The following AP3M2 variants were observed in gnomAD, a reference collection of about 807,000 sequenced individuals.
AP3M2 encodes adaptor related protein complex 3 subunit mu 2.
AP3M2 carries 28 observed loss-of-function variants against 41.6 expected under a neutral mutation model. The ratio of observed to expected loss-of-function variants is 0.67; its 90% CI spans 0.50 to 0.92. The LOEUF is 0.92. Among genes scored for constraint, AP3M2 ranks in the 40% least tolerant of loss-of-function variants. The pLI is 0.00. For missense variants in AP3M2, 427 were observed against 521.4 expected, an observed-to-expected ratio of 0.82 and a Z score of 1.76; for synonymous variants, 193 against 186.4, an observed-to-expected ratio of 1.04 and a Z score of -0.29.
At chr8:42,154,025 C>T (rs1804286165) in intron 1 of AP3M2, 1 of 151,946 alleles carries the variant, frequency 6.6e-6, no homozygotes, top group South Asian at 2.1e-4. Flanking sequence ...CCAGGATATC[C>T]AAAATGTTAT....
In AP3M2 at chr8:42,167,208, G is replaced by C. The variant is rs764412097; in HGVS notation, c.848G>C (p.Arg283Pro). ...PVYVKHNISF[R>P]DSSSLGRFEI... ...TATGTCAAACATAACATCAGTTTCC[G>C]GGACAGTAGTTCCCTTGGACGCTTT... Residue 283 changes from arginine (R) to proline (P), a missense_variant, in exon 7 of 9, where the codon CGG becomes CCG. This residue lies in a region of AP3M2 where 237 missense variants were observed against 284.9 expected (regional missense o/e 0.83). Coordinates refer to ENST00000396926, the MANE Select transcript of AP3M2 (RefSeq NM_006803.4). 2.5e-6 allele frequency: 4 copies of C among 1,613,880 alleles called. No individual in the cohort carries two copies. The Admixed American group carries it at 5.0e-5, about 20-fold the overall frequency.
intron 6 of AP3M2, chr8:42,166,945 G>C (rs1804654712): frequency 1.8e-6 from 1 of 552,272 alleles, no homozygotes; most frequent in Non-Finnish European, 3.2e-6. Flanking sequence ...GTATTATTCA[G>C]AGTCATTAGA....
rs1484987986 is a variant in AP3M2, at chr8:42,169,993, A to G, written c.*932A>G. The G allele has an allele frequency of 1.3e-5, 2 of 152,234 alleles. No individual in the cohort carries two copies. Among genetic ancestry groups the G allele is most frequent in the African/African-American group, 4.8e-5 (2 of 41,446 alleles). The allele number at this position is 152,234 out of a possible 1,614,324, so 9.4% of individuals were successfully genotyped here. ...AGAGTTTCAGAGAAGCCGATCCCAT[A>G]ATCCCCAGTGCAGCCAGGGTTTGTG... On this transcript the variant is annotated 3_prime_UTR_variant, in exon 9 of 9. Coordinates refer to ENST00000396926, the MANE Select transcript of AP3M2 (RefSeq NM_006803.4).
intron 4 of AP3M2, 101 bp downstream of exon 4, chr8:42,162,519 A>C: frequency 1.4e-6 from 2 of 1,390,882 alleles, no homozygotes; most frequent in South Asian, 2.9e-5. Context: ...AAGGTCATCC[A>C]CTTCAATTTA....
chr8:42,162,275 C>A lies in AP3M2; in HGVS notation c.446-6C>A, dbSNP rs569420587. ...TGTTAAAATACAGTAATATTAATTG[C>A]CTCAGGAAGCACGAATGTGGGTGAC... On this transcript the variant is annotated splice_polypyrimidine_tract_variant and splice_region_variant and intron_variant, in intron 3 of 8. Coordinates refer to ENST00000396926, the MANE Select transcript of AP3M2 (RefSeq NM_006803.4). The A allele has an allele frequency of 3.4e-5, 55 of 1,607,904 alleles. No individual in the cohort carries two copies. The African/African-American group carries it at 6.7e-4, about 20-fold the overall frequency.
chr8:42,157,154 G>A (rs969752641), intron 2 of AP3M2, among the ~76,000 whole-genome samples: 2 of 152,154 alleles, frequency 1.3e-5, no homozygotes, highest in Non-Finnish European at 2.9e-5. Context: ...TAATGATCAC[G>A]CATTCCATTT....
chr8:42,156,445 A>G (rs1336062955), intron 2 of AP3M2, among the ~76,000 whole-genome samples: 2 of 152,200 alleles, frequency 1.3e-5, no homozygotes, highest in Non-Finnish European at 2.9e-5. Context: ...GCGGCCCCGC[A>G]ATAGAATTGC....
intron 3 of AP3M2, among the ~76,000 whole-genome samples, chr8:42,159,206 C>T (rs1804441466): frequency 6.6e-6 from 1 of 152,202 alleles, no homozygotes; most frequent in African/African-American, 2.4e-5. Context: ...ACAAGGATTA[C>T]CATTCTTACA....
At chr8:42,166,118 T>G (rs990864456) in intron 6 of AP3M2, among the ~76,000 whole-genome samples, 1 of 152,160 alleles carries the variant, frequency 6.6e-6, no homozygotes, top group Non-Finnish European at 1.5e-5. Flanking sequence ...TGGGAAAATA[T>G]CTGAGTGCTT....
At chr8:42,167,937 A>G in intron 8 of AP3M2, 127 bp downstream of exon 8, 1 of 1,192,100 alleles carries the variant, frequency 8.4e-7, no homozygotes, top group Non-Finnish European at 1.2e-6. Context: ...CTGATAAACA[A>G]TCTTTAGTAA....
chr8:42,155,205 A>G (rs1476971178), intron 2 of AP3M2, among the ~76,000 whole-genome samples: 4 of 152,232 alleles, frequency 2.6e-5, no homozygotes, highest in Non-Finnish European at 4.4e-5. Flanking sequence ...ATGACTATAT[A>G]TAGCCTTTCT....
chr8:42,153,823 A>G (rs1804279205), intron 1 of AP3M2: 1 of 152,158 alleles, frequency 6.6e-6, no homozygotes, highest in East Asian at 1.9e-4. Context: ...CTGCATTAAC[A>G]AGTGCCTAAG....
intron 2 of AP3M2, among the ~76,000 whole-genome samples, chr8:42,157,564 T>G (rs959704602): frequency 5.3e-5 from 8 of 152,244 alleles, no homozygotes; most frequent in Non-Finnish European, 1.0e-4. Context: ...GGGTAAAGAT[T>G]TTCATGTACT....
intron 5 of AP3M2, 77 bp downstream of exon 5, chr8:42,165,233 G>A: frequency 6.6e-7 from 1 of 1,504,156 alleles, no homozygotes; most frequent in Non-Finnish European, 9.1e-7. Context: ...AGTGGGAATG[G>A]AATAGAACAA....
chr8:42,154,524 T>A (rs779508660), intron 1 of AP3M2, 92 bp from the exon 2 acceptor site: 55 of 982,128 alleles, frequency 5.6e-5, no homozygotes, highest in Non-Finnish European at 8.0e-5. Context: ...TTGGGCCTGG[T>A]CTTGAAAGAT....
chr8:42,168,872 G>A, intron 8 of AP3M2, 89 bp from the exon 9 acceptor site: 1 of 919,626 alleles, frequency 1.1e-6, no homozygotes, highest in Non-Finnish European at 1.6e-6. Context: ...CGGTCCCACT[G>A]ACTTCAGTGT....
chr8:42,158,595 G>A (rs1804423191), intron 3 of AP3M2, among the ~76,000 whole-genome samples: 1 of 151,910 alleles, frequency 6.6e-6, no homozygotes, highest in Admixed American at 6.6e-5. Context: ...TTGCTTTGTG[G>A]AAAATACCCT....
chr8:42,157,967 A>C lies in AP3M2; in HGVS notation c.300A>C (p.Pro100=). ...ATTATTTTGGAGTCTGTTCAGAGCCAGTGATCAAAGACAATGTAGTTGTGG... is the reference window on the plus strand; with the variant it reads ...ATTATTTTGGAGTCTGTTCAGAGCCCGTGATCAAAGACAATGTAGTTGTGG... The part of the protein sequence containing the change: ...FQDYFGVCSE[P]VIKDNVVVVY... Residue 100 remains proline (P), a synonymous_variant, in exon 3 of 9, where the codon CCA becomes CCC. Transcript: ENST00000396926. 6.2e-7 allele frequency: 1 copy of C among 1,614,096 alleles called. No homozygotes were observed. The highest frequency in any genetic ancestry group is 8.5e-7 in the Non-Finnish European group (1 of 1,179,932).
At chr8:42,165,778 T>C (rs1804624223) in intron 6 of AP3M2, 2 of 506,588 alleles carry the variant, frequency 3.9e-6, no homozygotes, top group Non-Finnish European at 6.9e-6. Context: ...GTTCTGAAGA[T>C]TGAATAAGAG....
Sources: gnomAD v4.1 joint callset for allele counts (sites outside exome capture counted in the v4.1 genomes callset) on GRCh38, gnomAD v4.1.1 for gene constraint, gnomAD v4.1.1 regional missense constraint, MANE v1.5 for transcripts, NCBI Gene and HGNC (gene_info 2026-07-23, HGNC 2026-07-21) for gene names.